MAPRE2: variants seen among roughly 807,000 people sequenced by gnomAD.
The protein encoded by MAPRE2 is microtubule-associated protein RP/EB family member 2.
A neutral mutation model predicts 43.2 loss-of-function variants in MAPRE2; 13 were observed. That is an observed-to-expected ratio of 0.30 (90% CI 0.20 to 0.48). The LOEUF (loss-of-function observed/expected upper bound fraction) is 0.48. Ranked by LOEUF, MAPRE2 falls within the 20% of genes least tolerant of loss-of-function variation. The pLI is 0.99. For missense variants in MAPRE2, 161 were observed against 400.2 expected (o/e 0.40, Z 5.10); for synonymous variants, 135 against 148.8 (o/e 0.91, Z 0.68).
chr18:34,982,037 C>G (rs1310615002), intron 1 of MAPRE2, among the ~76,000 whole-genome samples: 1 of 151,726 alleles, frequency 6.6e-6, no homozygotes. Context: ...GCCCCCGCCA[C>G]CACACCTGGC....
At chr18:35,035,063 G>A (rs1174242486) in intron 2 of MAPRE2, among the ~76,000 whole-genome samples, 9 of 151,712 alleles carry the variant, frequency 5.9e-5, no homozygotes, top group African/African-American at 1.2e-4. Context: ...ACATGCACAC[G>A]TATGTTTATT....
chr18:34,997,430 C>G (rs893496394), intron 1 of MAPRE2, among the ~76,000 whole-genome samples: 1 of 152,120 alleles, frequency 6.6e-6, no homozygotes, highest in Non-Finnish European at 1.5e-5. Context: ...CAACTTGGTA[C>G]CACATGAGAG....
At chr18:35,054,319 C>G (rs1031061103) in intron 1 of MAPRE2, among the ~76,000 whole-genome samples, 1 of 152,200 alleles carries the variant, frequency 6.6e-6, no homozygotes, top group Admixed American at 6.5e-5. Flanking sequence ...AGCTAAAAGC[C>G]AGTTTCTTAA....
intron 2 of MAPRE2, among the ~76,000 whole-genome samples, chr18:35,022,329 T>C (rs1243041077): frequency 6.6e-6 from 1 of 152,186 alleles, no homozygotes; most frequent in Non-Finnish European, 1.5e-5. Context: ...GTAAGTTTCA[T>C]GCAGAATGTT....
In MAPRE2 at chr18:35,041,481, A is replaced by G. The variant is rs1245025968; in HGVS notation, c.-59A>G. The G allele has an allele frequency of 6.2e-7, 1 of 1,612,626 alleles. No individual in the cohort carries two copies. Among genetic ancestry groups the G allele is most frequent in the Non-Finnish European group, 8.5e-7 (1 of 1,179,386 alleles). ...AGCAGGCGAGCGAGCGGGAAGACGC[A>G]GCCACCTTCCTCACCAGCCAGCCCA... is the stretch of plus-strand genomic sequence containing the variant. On this transcript the variant is annotated 5_prime_UTR_variant, in exon 1 of 7. Coordinates refer to ENST00000300249, the MANE Select transcript of MAPRE2 (RefSeq NM_014268.4).
At chr18:34,988,242 A>G (rs540019662) in intron 1 of MAPRE2, among the ~76,000 whole-genome samples, 1 of 152,320 alleles carries the variant, frequency 6.6e-6, no homozygotes, top group Admixed American at 6.5e-5. Flanking sequence ...TTTAAAAGTA[A>G]CAAAAAGAGT....
At position 34,998,772 on chromosome 18, in the gene MAPRE2, A is replaced by ATTTTTTTTTTTTTTTT. The variant is rs67933808; in HGVS notation, c.-69-6707_-69-6692dup. Among the ~76,000 whole-genome samples, 70 of 93,722 alleles carry ATTTTTTTTTTTTTTTT rather than the reference A, an allele frequency of 7.5e-4. 2 individuals carry two copies. The highest frequency in any genetic ancestry group is 2.6e-3 in the African/African-American group (52 of 20,168). 61.5% of individuals were successfully genotyped at this position (93,722 alleles called of 152,430 possible). A position where few individuals can be genotyped will look rare whatever the true frequency, so the allele number is the denominator to read the frequency against. On this transcript the variant is annotated intron_variant, in intron 1 of 7. Transcript: ENST00000413393. Reference sequence around the variant, plus strand: ...GCCACTGAGCCTGGCCGAAGTTGCAATTTTTTTTTTTTTTTTTTTTTTTTT... The same window carrying ATTTTTTTTTTTTTTTT: ...GCCACTGAGCCTGGCCGAAGTTGCAATTTTTTTTTTTTTTTTTTTTTTTTTTTTTTTTTTTTTTTTT...
At chr18:35,022,187 T>A (rs1259203027) in intron 2 of MAPRE2, among the ~76,000 whole-genome samples, 2 of 152,002 alleles carry the variant, frequency 1.3e-5, no homozygotes, top group Non-Finnish European at 2.9e-5. Context: ...TCCAGCAAAG[T>A]AAAAGAGAAA....
intron 1 of MAPRE2, among the ~76,000 whole-genome samples, chr18:34,997,139 A>C (rs2150577066): frequency 6.6e-6 from 1 of 152,234 alleles, no homozygotes; most frequent in South Asian, 2.1e-4. Flanking sequence ...TCATTTTTGT[A>C]TCCCTACCTC....
intron 2 of MAPRE2, among the ~76,000 whole-genome samples, chr18:35,031,712 C>G (rs1322368478): frequency 6.6e-6 from 1 of 152,154 alleles, no homozygotes; most frequent in Non-Finnish European, 1.5e-5. Flanking sequence ...TCATGGACAC[C>G]TTGCTATTTT....
chr18:35,016,960 G>C (rs2097038685), intron 2 of MAPRE2, among the ~76,000 whole-genome samples: 1 of 151,850 alleles, frequency 6.6e-6, no homozygotes, highest in Non-Finnish European at 1.5e-5. Flanking sequence ...AATCCATCTT[G>C]AGTTAACTTT....
chr18:35,056,210 GAAAT>G (rs1304504708), intron 1 of MAPRE2, among the ~76,000 whole-genome samples: 1 of 151,884 alleles, frequency 6.6e-6, no homozygotes, highest in African/African-American at 2.4e-5. Context: ...CAACTTTAAT[GAAAT>G]ATTTTAACTT....
intron 4 of MAPRE2, among the ~76,000 whole-genome samples, chr18:35,104,244 C>T (rs921637135): frequency 6.6e-6 from 1 of 152,086 alleles, no homozygotes; most frequent in East Asian, 1.9e-4. Context: ...AGAATTGGTC[C>T]ATTAAAATAC....
chr18:34,994,385 G>T (rs1322940185), intron 1 of MAPRE2, among the ~76,000 whole-genome samples: 2 of 149,136 alleles, frequency 1.3e-5, no homozygotes, highest in African/African-American at 4.9e-5. Context: ...TTTGTTTTTT[G>T]GCTTCTGTTT....
chr18:34,988,405 C>T lies in MAPRE2; in HGVS notation c.-70+11326C>T, dbSNP rs764448. On this transcript the variant is annotated intron_variant, in intron 1 of 7. Coordinates refer to the MAPRE2 transcript ENST00000413393. ...GTTTTAAAACTGGTTCTGCTGCTAA[C>T]TGGGTGACTTTAGAGATGTTATTAA... is the stretch of plus-strand genomic sequence containing the variant. Among the ~76,000 whole-genome samples, 424 of 152,300 alleles carry T rather than the reference C, an allele frequency of 2.8e-3. 2 individuals are homozygous for T. The highest frequency in any genetic ancestry group is 1.0e-2 in the African/African-American group (415 of 41,568).
chr18:35,041,887 C>CGAG (rs1905387628), intron 1 of MAPRE2: 1 of 1,030,598 alleles, frequency 9.7e-7, no homozygotes, highest in African/African-American at 1.6e-5. Context: ...TTGCTGCCTT[C>CGAG]GAGGGGTCTC....
In MAPRE2 at chr18:35,142,618, G is replaced by C. The variant is rs925605449; in HGVS notation, c.*2249G>C. 12 of 152,210 alleles carry C rather than the reference G, an allele frequency of 7.9e-5. No homozygotes were observed. Among genetic ancestry groups the C allele is most frequent in the Non-Finnish European group, 1.6e-4 (11 of 68,068 alleles). The allele number at this position is 152,210 out of a possible 1,614,324, so 9.4% of individuals were successfully genotyped here. A position where few individuals can be genotyped will look rare whatever the true frequency, so the allele number is the denominator to read the frequency against. On this transcript the variant is annotated 3_prime_UTR_variant, in exon 7 of 7. Transcript: ENST00000300249. The stretch of plus-strand genomic sequence containing the variant: ...CCATTCTCCTTCCTGAAGGCTTGGG[G>C]CAGACCATTCGTTTATTTAGAGAAG...
At chr18:35,051,321 G>A (rs2150605361) in intron 1 of MAPRE2, among the ~76,000 whole-genome samples, 1 of 152,270 alleles carries the variant, frequency 6.6e-6, no homozygotes, top group Non-Finnish European at 1.5e-5. Context: ...TCTCTCCCAA[G>A]TCCCTTAATG....
intron 1 of MAPRE2, among the ~76,000 whole-genome samples, chr18:35,004,918 CAAAA>C (rs576525353): frequency 2.3e-5 from 2 of 86,800 alleles, no homozygotes; most frequent in Non-Finnish European, 2.4e-5. Context: ...ACTCCATCTC[CAAAA>C]AAAAAAAAAA....
Sources: allele counts gnomAD v4.1 joint callset (sites outside exome capture counted in the v4.1 genomes callset), GRCh38; gene constraint gnomAD v4.1.1; transcripts MANE v1.5; gene names NCBI Gene and HGNC (gene_info 2026-07-23, HGNC 2026-07-21).